The following GLRA3 variants were observed in gnomAD, a reference collection of about 807,000 sequenced individuals.
GLRA3 encodes glycine receptor subunit alpha-3.
In GLRA3, 44 loss-of-function variants were observed where a neutral mutation model predicts 60.4. The ratio of observed to expected loss-of-function variants is 0.73; its 90% CI spans 0.57 to 0.94. The LOEUF (loss-of-function observed/expected upper bound fraction) is 0.94. Among genes scored for constraint, GLRA3 ranks in the 40% least tolerant of loss-of-function variants. GLRA3 has a pLI of 0.00. For missense variants in GLRA3, 508 were observed against 564.6 expected (o/e 0.90, Z 1.02); for synonymous variants, 223 against 192.9 (o/e 1.16, Z -1.29).
Position 174,642,173 on chromosome 4 carries a change from A to G in GLRA3, c.*1613T>C. 1.2e-6 allele frequency: 1 copy of G among 856,510 alleles called. No homozygotes were observed. The highest frequency in any genetic ancestry group is 1.4e-6 in the Non-Finnish European group (1 of 712,316). 53.1% of individuals were successfully genotyped at this position (856,510 alleles called of 1,614,324 possible). A position where few individuals can be genotyped will look rare whatever the true frequency, so the allele number is the denominator to read the frequency against. ...TTACTATTTTTTAAAATGTTATTTT[A>G]AAAAATTACAATTGTATAAGCTGAT... On this transcript the variant is annotated 3_prime_UTR_variant, in exon 10 of 10. Coordinates refer to ENST00000274093, the MANE Select transcript of GLRA3 (RefSeq NM_006529.4).
intron 5 of GLRA3, among the ~76,000 whole-genome samples, chr4:174,695,199 G>A (rs999398661): frequency 3.3e-5 from 5 of 151,732 alleles, no homozygotes; most frequent in Admixed American, 6.6e-5. Flanking sequence ...AAGCTATTCC[G>A]AAAAATTGAG....
At chr4:174,656,584 A>G (rs572358197) in intron 9 of GLRA3, among the ~76,000 whole-genome samples, 159 bp downstream of exon 9, 1 of 152,218 alleles carries the variant, frequency 6.6e-6, no homozygotes, top group East Asian at 1.9e-4. Flanking sequence ...AGAAAAAGAA[A>G]ATACCCTTCT....
chr4:174,744,489 A>G (rs1456311980), intron 3 of GLRA3, among the ~76,000 whole-genome samples: 8 of 152,146 alleles, frequency 5.3e-5, no homozygotes, highest in African/African-American at 1.4e-4. Context: ...AAATTTAACC[A>G]TACCCTCCAC....
intron 5 of GLRA3, among the ~76,000 whole-genome samples, chr4:174,693,224 T>C (rs1734927604): frequency 6.6e-6 from 1 of 152,218 alleles, no homozygotes. Context: ...TATCATGAAA[T>C]CTTTGTCCAT....
In GLRA3 at chr4:174,637,108, T is replaced by C. The variant is rs1201573165; in HGVS notation, c.*6678A>G. 1 of 152,172 alleles carries C rather than the reference T, an allele frequency of 6.6e-6. No individual in the cohort carries two copies. Among genetic ancestry groups the C allele is most frequent in the East Asian group, 1.9e-4 (1 of 5,194 alleles). 9.4% of individuals were successfully genotyped at this position (152,172 alleles called of 1,614,324 possible). On this transcript the variant is annotated 3_prime_UTR_variant, in exon 10 of 10. Transcript: ENST00000274093. ...TAAATTTTTAAATATGTTTTCAGTA[T>C]AATTTCCTGGAAAAATATGACAGCA... is the stretch of plus-strand genomic sequence containing the variant.
intron 5 of GLRA3, among the ~76,000 whole-genome samples, chr4:174,711,445 ATTT>A (rs1161026635): frequency 7.0e-6 from 1 of 142,802 alleles, no homozygotes; most frequent in East Asian, 2.0e-4. Flanking sequence ...ATATATATAT[ATTT>A]TTTTTTTTTT....
chr4:174,761,953 TAAGTA>T (rs1459557976), intron 3 of GLRA3, among the ~76,000 whole-genome samples: 1 of 152,170 alleles, frequency 6.6e-6, no homozygotes, highest in African/African-American at 2.4e-5. Context: ...GATTCAGTAA[TAAGTA>T]AAGAAGTGAT....
In GLRA3 at chr4:174,642,638, C is replaced by A; in HGVS notation, c.*1148G>T. 1 of 834,334 alleles carries A rather than the reference C, an allele frequency of 1.2e-6. No homozygotes were observed. The highest frequency in any genetic ancestry group is 5.5e-5 in the South Asian group (1 of 18,122). The allele number at this position is 834,334 out of a possible 1,614,324, so 51.7% of individuals were successfully genotyped here. A position where few individuals can be genotyped will look rare whatever the true frequency, so the allele number is the denominator to read the frequency against. On this transcript the variant is annotated 3_prime_UTR_variant, in exon 10 of 10. Transcript: ENST00000274093. ...TTCATTTAAAATTATTCACATCTTGCGAATGGCTTAGATTTTGAAATCATT... is the reference window on the plus strand; with the variant it reads ...TTCATTTAAAATTATTCACATCTTGAGAATGGCTTAGATTTTGAAATCATT...
intron 3 of GLRA3, among the ~76,000 whole-genome samples, chr4:174,744,663 C>T (rs1057095669): frequency 3.9e-5 from 6 of 152,142 alleles, no homozygotes; most frequent in Non-Finnish European, 8.8e-5. Flanking sequence ...AAAGTCATTC[C>T]TTGTGAATTC....
intron 3 of GLRA3, among the ~76,000 whole-genome samples, chr4:174,734,108 TTCTTTCTG>T (rs1736675849): frequency 6.6e-6 from 1 of 152,124 alleles, no homozygotes; most frequent in Admixed American, 6.5e-5. Flanking sequence ...TAATCCAGAA[TTCTTTCTG>T]TTTTAAAAAA....
chr4:174,761,344 C>T (rs1182795560), intron 3 of GLRA3, among the ~76,000 whole-genome samples: 5 of 152,096 alleles, frequency 3.3e-5, no homozygotes, highest in South Asian at 2.1e-4. Context: ...TATATAAGTG[C>T]TTACTGTTGC....
intron 4 of GLRA3, among the ~76,000 whole-genome samples, chr4:174,718,151 T>A (rs1735993662): frequency 6.6e-6 from 1 of 152,252 alleles, no homozygotes; most frequent in Admixed American, 6.5e-5. Flanking sequence ...TCTTTCTTTT[T>A]GTTTAAGGTA....
chr4:174,759,728 G>C (rs922972497), intron 3 of GLRA3, among the ~76,000 whole-genome samples: 1 of 152,080 alleles, frequency 6.6e-6, no homozygotes, highest in Non-Finnish European at 1.5e-5. Flanking sequence ...TAGACAAATA[G>C]ATCATTAGCA....
intron 5 of GLRA3, among the ~76,000 whole-genome samples, chr4:174,695,379 G>A (rs937614872): frequency 6.6e-6 from 1 of 152,026 alleles, no homozygotes; most frequent in Admixed American, 6.5e-5. Flanking sequence ...CACATCAAAA[G>A]CTAATCCACC....
intron 2 of GLRA3, among the ~76,000 whole-genome samples, chr4:174,776,509 G>A (rs188564336): frequency 1.5e-4 from 23 of 151,584 alleles, no homozygotes; most frequent in African/African-American, 5.6e-4. Flanking sequence ...AACAAAAGGG[G>A]CAGAATGCAA....
chr4:174,644,451 G>A (rs78387316), intron 9 of GLRA3, among the ~76,000 whole-genome samples: 2,414 of 149,728 alleles, frequency 0.016, 72 homozygotes, highest in African/African-American at 0.054. Flanking sequence ...GTGTGATGTC[G>A]AAGGGGAACA....
In GLRA3 at chr4:174,689,756, T is replaced by TAAAAAAAAAAAAAAAAAAAAAAAAAA. The variant is rs553306775; in HGVS notation, c.575-6843_575-6818dup. 7.6e-5 allele frequency among the ~76,000 whole-genome samples: 3 copies of TAAAAAAAAAAAAAAAAAAAAAAAAAA among 39,514 alleles called. 1 individual carries two copies. Among genetic ancestry groups the TAAAAAAAAAAAAAAAAAAAAAAAAAA allele is most frequent in the African/African-American group, 1.1e-4 (1 of 9,334 alleles). The allele number at this position is 39,514 out of a possible 152,430, so 25.9% of individuals were successfully genotyped here. On this transcript the variant is annotated intron_variant, in intron 5 of 9. Coordinates refer to ENST00000274093, the MANE Select transcript of GLRA3 (RefSeq NM_006529.4). ...AAAGGCACAGAGTGGTAAGTCGCATTAAAAAAAAAAAAAAAAAAAAAAAAA... is the reference window on the plus strand; with the variant it reads ...AAAGGCACAGAGTGGTAAGTCGCATTAAAAAAAAAAAAAAAAAAAAAAAAAAAAAAAAAAAAAAAAAAAAAAAAAAA...
intron 5 of GLRA3, among the ~76,000 whole-genome samples, chr4:174,709,872 A>G (rs187186681): frequency 1.5e-3 from 227 of 152,154 alleles, no homozygotes; most frequent in Middle Eastern, 0.01. Flanking sequence ...TGATTTTTAA[A>G]TGGCAGCAGA....
chr4:174,805,390 T>C (rs182071200), intron 1 of GLRA3, among the ~76,000 whole-genome samples: 1 of 152,222 alleles, frequency 6.6e-6, no homozygotes, highest in East Asian at 1.9e-4. Context: ...CATCTTGCAC[T>C]CTTTTGGATC....
Sources: allele counts gnomAD v4.1 joint callset (sites outside exome capture counted in the v4.1 genomes callset), GRCh38; gene constraint gnomAD v4.1.1; transcripts MANE v1.5; gene names NCBI Gene and HGNC (gene_info 2026-07-23, HGNC 2026-07-21).